The following NPAS3 variants were observed in gnomAD, a reference collection of about 807,000 sequenced individuals.
NPAS3 encodes the protein neuronal PAS domain protein 3, also known as neuronal PAS domain-containing protein 3.
NPAS3 carries 14 observed loss-of-function variants against 73.1 expected under a neutral mutation model. The observed-to-expected ratio is 0.19, with a 90% confidence interval of 0.13 to 0.30. NPAS3 has a LOEUF of 0.30. NPAS3 is among the 10% of genes least tolerant of loss of function. The pLI is 1.00. For synonymous variants in NPAS3, 620 were observed against 541.5 expected, an observed-to-expected ratio of 1.14 and a Z score of -2.01; for missense variants, 1,096 against 1,250.0, an observed-to-expected ratio of 0.88 and a Z score of 1.86.
chr14:33,041,239 G>T (rs1034429625), intron 1 of NPAS3, among the ~76,000 whole-genome samples: 1 of 152,058 alleles, frequency 6.6e-6, no homozygotes, highest in Non-Finnish European at 1.5e-5. Flanking sequence ...TGAAAATAAG[G>T]TGCTATCTCA....
At chr14:33,465,240 A>G (rs1022727) in intron 4 of NPAS3, among the ~76,000 whole-genome samples, 31,441 of 152,072 alleles carry the variant, frequency 0.21, 3,978 homozygotes, top group East Asian at 0.38. Flanking sequence ...TATGAAATGA[A>G]TAAATAAGTA....
At chr14:33,174,077 A>G (rs768153074) in intron 2 of NPAS3, among the ~76,000 whole-genome samples, 4 of 152,200 alleles carry the variant, frequency 2.6e-5, no homozygotes, top group Admixed American at 6.5e-5. Flanking sequence ...TTACTATAGA[A>G]ATAGTGTGTT....
chr14:33,387,471 T>C (rs1473240847), intron 4 of NPAS3, among the ~76,000 whole-genome samples: 1 of 152,176 alleles, frequency 6.6e-6, no homozygotes, highest in Non-Finnish European at 1.5e-5. Flanking sequence ...ACCCGTTACT[T>C]CTGTTACTTT....
At chr14:33,476,495 C>T (rs961681465) in intron 4 of NPAS3, among the ~76,000 whole-genome samples, 7 of 152,232 alleles carry the variant, frequency 4.6e-5, no homozygotes, top group East Asian at 1.9e-4. Flanking sequence ...CTCTGAATGT[C>T]GGTATTTCTA....
chr14:33,616,957 A>G (rs1366908296), intron 5 of NPAS3, among the ~76,000 whole-genome samples: 1 of 152,242 alleles, frequency 6.6e-6, no homozygotes, highest in Non-Finnish European at 1.5e-5. Context: ...TTCTCCCAAC[A>G]TACCAGCTGT....
chr14:33,637,782 G>GTAT (rs1408513066), intron 5 of NPAS3, among the ~76,000 whole-genome samples: 2 of 152,098 alleles, frequency 1.3e-5, no homozygotes, highest in Non-Finnish European at 2.9e-5. Context: ...TTATTACCAT[G>GTAT]TATTTTTTAT....
At chr14:33,618,293 A>G (rs1392280713) in intron 5 of NPAS3, among the ~76,000 whole-genome samples, 1 of 151,996 alleles carries the variant, frequency 6.6e-6, no homozygotes, top group Non-Finnish European at 1.5e-5. Context: ...GTAAAATATA[A>G]TGTAATATAT....
At chr14:33,533,373 A>G (rs543334347) in intron 4 of NPAS3, among the ~76,000 whole-genome samples, 1 of 152,298 alleles carries the variant, frequency 6.6e-6, no homozygotes, top group East Asian at 1.9e-4. Context: ...AAGAAATAGA[A>G]ATGACCAAAC....
intron 4 of NPAS3, among the ~76,000 whole-genome samples, chr14:33,377,329 T>A (rs185838011): frequency 6.6e-6 from 1 of 152,202 alleles, no homozygotes; most frequent in Admixed American, 6.5e-5. Context: ...ACTCTCCTTA[T>A]CTTATTACGT....
At chr14:33,387,137 T>C (rs1005433927) in intron 4 of NPAS3, among the ~76,000 whole-genome samples, 2 of 152,212 alleles carry the variant, frequency 1.3e-5, no homozygotes, top group African/African-American at 2.4e-5. Flanking sequence ...ATTTTGACTT[T>C]GATACCACCC....
At position 33,391,187 on chromosome 14, in the gene NPAS3, CTTTTT is replaced by C. The variant is rs370631048; in HGVS notation, c.468+23938_468+23942del. Among the ~76,000 whole-genome samples, 31 of 109,820 alleles carry C rather than the reference CTTTTT, an allele frequency of 2.8e-4. No homozygotes were observed. The South Asian group carries it at 9.6e-3, about 34-fold the overall frequency. 72.0% of individuals were successfully genotyped at this position (109,820 alleles called of 152,430 possible). On this transcript the variant is annotated intron_variant, in intron 4 of 11. Coordinates refer to ENST00000356141, the Ensembl canonical transcript of NPAS3. Reference sequence around the variant, plus strand: ...AAAATCCTCATTCTTTGGCCCATATCTTTTTTTTTTTTTTTTTTTTTTTGAGAAAG... The same window carrying C: ...AAAATCCTCATTCTTTGGCCCATATCTTTTTTTTTTTTTTTTTTGAGAAAG...
At chr14:33,366,477 T>A (rs1047570177) in intron 3 of NPAS3, among the ~76,000 whole-genome samples, 1 of 152,118 alleles carries the variant, frequency 6.6e-6, no homozygotes, top group Non-Finnish European at 1.5e-5. Context: ...GAGGACCGAC[T>A]CTTAGTGAGA....
At chr14:33,409,585 T>G (rs2047826800) in intron 4 of NPAS3, among the ~76,000 whole-genome samples, 1 of 152,182 alleles carries the variant, frequency 6.6e-6, no homozygotes, top group Admixed American at 6.5e-5. Context: ...CCCTGCCCTC[T>G]TTTAAAATGT....
At chr14:33,683,849 A>G (rs890544245) in intron 6 of NPAS3, among the ~76,000 whole-genome samples, 1 of 152,244 alleles carries the variant, frequency 6.6e-6, no homozygotes, top group Non-Finnish European at 1.5e-5. Flanking sequence ...ACGCTTACCC[A>G]GGCCACTGTG....
At chr14:33,034,890 T>C (rs1304313564) in intron 1 of NPAS3, among the ~76,000 whole-genome samples, 1 of 152,296 alleles carries the variant, frequency 6.6e-6, no homozygotes, top group South Asian at 2.1e-4. Flanking sequence ...TCTTTGAACA[T>C]AGCAATTCTG....
intron 2 of NPAS3, among the ~76,000 whole-genome samples, chr14:33,112,441 T>C (rs1595472407): frequency 6.6e-6 from 1 of 152,232 alleles, no homozygotes; most frequent in East Asian, 1.9e-4. Flanking sequence ...CATTTTTTCA[T>C]GTGTCTGTTG....
chr14:33,783,136 C>T (rs1242885453), intron 9 of NPAS3, among the ~76,000 whole-genome samples: 1 of 152,198 alleles, frequency 6.6e-6, no homozygotes, highest in Non-Finnish European at 1.5e-5. Context: ...AGATGTCCTC[C>T]ATGCATTTGT....
chr14:33,100,519 G>A (rs1054819321), intron 2 of NPAS3, among the ~76,000 whole-genome samples: 16 of 152,176 alleles, frequency 1.1e-4, no homozygotes, highest in African/African-American at 3.9e-4. Context: ...TATATTACAA[G>A]GGGTAAAATA....
intron 1 of NPAS3, among the ~76,000 whole-genome samples, chr14:33,012,878 T>G (rs2039262070): frequency 6.6e-6 from 1 of 152,172 alleles, no homozygotes; most frequent in African/African-American, 2.4e-5. Flanking sequence ...TTAACATGTT[T>G]ATATATAAAC....
Sources: allele counts gnomAD v4.1 joint callset (sites outside exome capture counted in the v4.1 genomes callset), GRCh38; gene constraint gnomAD v4.1.1; transcripts MANE v1.5; gene names NCBI Gene and HGNC (gene_info 2026-07-23, HGNC 2026-07-21).